Variants in EFCAB11 observed in about 807,000 individuals in gnomAD.
The protein encoded by EFCAB11 is EF-hand calcium-binding domain-containing protein 11.
A neutral mutation model predicts 23.0 loss-of-function variants in EFCAB11; 14 were observed. The ratio of observed to expected loss-of-function variants is 0.61; its 90% CI spans 0.40 to 0.95. The LOEUF is 0.95. Ranked by LOEUF, EFCAB11 falls within the 40% of genes least tolerant of loss-of-function variation. The probability of loss-of-function intolerance (pLI) is 0.00; values close to 1 mark genes in which losing one functional copy is unlikely to be tolerated. For missense variants in EFCAB11, 198 were observed against 195.8 expected, an observed-to-expected ratio of 1.01 and a Z score of -0.07; for synonymous variants, 65 against 66.6, an observed-to-expected ratio of 0.98 and a Z score of 0.11.
At chr14:89,924,744 T>A in intron 5 of EFCAB11, 1 of 1,518,542 alleles carries the variant, frequency 6.6e-7, no homozygotes, top group Non-Finnish European at 8.8e-7. Flanking sequence ...CAGAGGAAAA[T>A]GGAAAGCAAA....
Position 89,954,668 on chromosome 14 carries a change from A to G in EFCAB11, c.-8T>C, listed in dbSNP as rs1596477282. ...GGCCTCGGAGAAGAACATCGCGACT[A>G]CAACAACCGAGCCCCAGCAACCCAA... On this transcript the variant is annotated 5_prime_UTR_variant, in exon 1 of 6. Coordinates refer to ENST00000316738, the MANE Select transcript of EFCAB11 (RefSeq NM_145231.4). 3 of 1,609,980 alleles carry G rather than the reference A, an allele frequency of 1.9e-6. No homozygotes were observed. Among genetic ancestry groups the G allele is most frequent in the South Asian group, 1.1e-5 (1 of 90,828 alleles).
intron 5 of EFCAB11, among the ~76,000 whole-genome samples, chr14:89,852,225 G>A (rs1887620413): frequency 6.6e-6 from 1 of 152,206 alleles, no homozygotes; most frequent in African/African-American, 2.4e-5. Flanking sequence ...AAGCAGTGAA[G>A]ATACTCTTAT....
At chr14:89,854,370 C>A (rs1463212902) in intron 5 of EFCAB11, among the ~76,000 whole-genome samples, 1 of 152,128 alleles carries the variant, frequency 6.6e-6, no homozygotes, top group Admixed American at 6.5e-5. Flanking sequence ...TAGCTCCTCT[C>A]CACATCCACT....
intron 5 of EFCAB11, among the ~76,000 whole-genome samples, chr14:89,817,722 G>C (rs1027092556): frequency 6.6e-6 from 1 of 152,074 alleles, no homozygotes; most frequent in East Asian, 1.9e-4. Context: ...GGCCAGGCGC[G>C]GTGGCTCACG....
At chr14:89,908,173 T>C (rs1394049921) in intron 5 of EFCAB11, among the ~76,000 whole-genome samples, 1 of 152,218 alleles carries the variant, frequency 6.6e-6, no homozygotes, top group Non-Finnish European at 1.5e-5. Flanking sequence ...AAACCTTTTA[T>C]GTTCTCCCAC....
At chr14:89,825,175 A>C (rs528042914) in intron 5 of EFCAB11, among the ~76,000 whole-genome samples, 20 of 152,076 alleles carry the variant, frequency 1.3e-4, no homozygotes, top group African/African-American at 4.8e-4. Flanking sequence ...GAAATTAGAG[A>C]TCAATAACCA....
At chr14:89,825,316 T>G (rs1886652902) in intron 5 of EFCAB11, among the ~76,000 whole-genome samples, 1 of 152,022 alleles carries the variant, frequency 6.6e-6, no homozygotes, top group South Asian at 2.1e-4. Flanking sequence ...ATCCAACATA[T>G]CAGAATTGTG....
intron 5 of EFCAB11, among the ~76,000 whole-genome samples, chr14:89,865,084 C>T (rs967465479): frequency 5.3e-5 from 8 of 152,120 alleles, no homozygotes; most frequent in African/African-American, 1.9e-4. Context: ...GGTGTGAGGC[C>T]GGGAGCCGCT....
In EFCAB11 at chr14:89,795,244, C is replaced by T. The variant is rs1885540302; in HGVS notation, c.*1999G>A. The T allele has an allele frequency of 8.5e-6, 1 of 118,286 alleles. No individual in the cohort carries two copies. The highest frequency in any genetic ancestry group is 2.8e-5 in the African/African-American group (1 of 35,864). The allele number at this position is 118,286 out of a possible 1,614,324, so 7.3% of individuals were successfully genotyped here. ...CCTCGTGATCCACCCGCCTCGGCCT[C>T]CCGAAGTGCTGGGATTACAGGCTGA... is the stretch of plus-strand genomic sequence containing the variant. On this transcript the variant is annotated 3_prime_UTR_variant, in exon 6 of 6. Transcript: ENST00000316738.
chr14:89,800,843 G>A (rs1885753361), intron 5 of EFCAB11, among the ~76,000 whole-genome samples: 1 of 151,966 alleles, frequency 6.6e-6, no homozygotes, highest in Admixed American at 6.6e-5. Context: ...AGGAGTTCGA[G>A]ACCAGCCTGG....
chr14:89,860,223 G>T lies in EFCAB11; in HGVS notation c.411-62899C>A, dbSNP rs145656110. On this transcript the variant is annotated intron_variant, in intron 5 of 5. Coordinates refer to ENST00000316738, the MANE Select transcript of EFCAB11 (RefSeq NM_145231.4). ...TACTAAAAACACAAAAACTAGCTGGGTGTGGTGGCGGGCACCCATCATCCC... is the reference window on the plus strand; with the variant it reads ...TACTAAAAACACAAAAACTAGCTGGTTGTGGTGGCGGGCACCCATCATCCC... 6.6e-5 allele frequency among the ~76,000 whole-genome samples: 10 copies of T among 152,244 alleles called. No individual in the cohort carries two copies. In the East Asian group the frequency reaches 1.7e-3, roughly 26 times the overall value.
intron 5 of EFCAB11, among the ~76,000 whole-genome samples, chr14:89,856,883 T>C (rs1887771340): frequency 6.6e-6 from 1 of 152,204 alleles, no homozygotes; most frequent in Non-Finnish European, 1.5e-5. Flanking sequence ...TTCAAGACCC[T>C]TTTATCCAAT....
intron 5 of EFCAB11, among the ~76,000 whole-genome samples, chr14:89,839,640 G>A (rs1050662672): frequency 2.6e-5 from 4 of 152,118 alleles, no homozygotes; most frequent in African/African-American, 9.7e-5. Flanking sequence ...CTGAGACTGG[G>A]TGATTTATAA....
chr14:89,884,725 T>A (rs768224169), intron 5 of EFCAB11, among the ~76,000 whole-genome samples: 1 of 152,368 alleles, frequency 6.6e-6, no homozygotes, highest in South Asian at 2.1e-4. Context: ...ATGTACTGAA[T>A]GTGTGTGCCC....
chr14:89,813,439 CAG>C (rs911785248), intron 5 of EFCAB11, among the ~76,000 whole-genome samples: 4 of 152,134 alleles, frequency 2.6e-5, no homozygotes, highest in African/African-American at 9.7e-5. Context: ...TTAACAAAAA[CAG>C]AGAGAAACAG....
At chr14:89,869,939 G>A (rs751277137) in intron 5 of EFCAB11, among the ~76,000 whole-genome samples, 1 of 152,238 alleles carries the variant, frequency 6.6e-6, no homozygotes, top group African/African-American at 2.4e-5. Flanking sequence ...TCATTCACAG[G>A]GGACACAAAA....
At chr14:89,876,546 G>C (rs1268749860) in intron 5 of EFCAB11, among the ~76,000 whole-genome samples, 3 of 152,206 alleles carry the variant, frequency 2.0e-5, no homozygotes, top group Non-Finnish European at 2.9e-5. Context: ...CATTTGTAGA[G>C]AATTCTTGAT....
At chr14:89,937,128 T>C (rs761553968) in intron 3 of EFCAB11, among the ~76,000 whole-genome samples, 14 of 152,352 alleles carry the variant, frequency 9.2e-5, no homozygotes, top group Non-Finnish European at 1.6e-4. Context: ...CAGATCTATG[T>C]GTTTATCTGT....
rs1468907979 is a variant in EFCAB11 at position 89,856,233 on chromosome 14, T to C, written c.411-58909A>G. On this transcript the variant is annotated intron_variant, in intron 5 of 5. Coordinates refer to ENST00000316738, the MANE Select transcript of EFCAB11 (RefSeq NM_145231.4). ...AGACAAGATCTTGCTTTGTCATCAA[T>C]GCTGGAGTGCAGTGGTGCAATCTTG... Among the ~76,000 whole-genome samples, 4 of 148,802 alleles carry C rather than the reference T, an allele frequency of 2.7e-5. No homozygotes were observed. The East Asian group carries it at 7.9e-4, about 30-fold the overall frequency.
Sources: gnomAD v4.1 joint callset for allele counts (sites outside exome capture counted in the v4.1 genomes callset) on GRCh38, gnomAD v4.1.1 for gene constraint, MANE v1.5 for transcripts, NCBI Gene and HGNC (gene_info 2026-07-23, HGNC 2026-07-21) for gene names.